The following BET1 variants were observed in gnomAD, a reference collection of about 807,000 sequenced individuals.
The protein encoded by BET1 is Bet1 golgi vesicular membrane trafficking protein.
In BET1, 9 loss-of-function variants were observed where a neutral mutation model predicts 13.9. The ratio of observed to expected loss-of-function variants is 0.65; its 90% confidence interval spans 0.39 to 1.13. The LOEUF is 1.13. BET1 is among the 50% of genes most tolerant of loss of function. The pLI, the probability that BET1 is intolerant of heterozygous loss-of-function variation, is 0.01. For missense variants in BET1, 127 were observed against 133.6 expected, an observed-to-expected ratio of 0.95 and a Z score of 0.24; for synonymous variants, 39 against 47.3, an observed-to-expected ratio of 0.82 and a Z score of 0.72.
chr7:93,986,501 A>T (rs538869274), intron 4 of BET1, among the ~76,000 whole-genome samples: 2 of 152,334 alleles, frequency 1.3e-5, no homozygotes, highest in South Asian at 4.1e-4. Flanking sequence ...CTACCCACAG[A>T]TACTAAGCTA....
At chr7:93,982,507 G>A (rs1446303405) in intron 4 of BET1, among the ~76,000 whole-genome samples, 5 of 152,202 alleles carry the variant, frequency 3.3e-5, no homozygotes, top group Admixed American at 3.3e-4. Flanking sequence ...GTTGGGCTTG[G>A]ATAATAAAGA....
chr7:93,976,458 C>A (rs776846022), intron 4 of BET1, among the ~76,000 whole-genome samples: 1 of 151,806 alleles, frequency 6.6e-6, no homozygotes, highest in Non-Finnish European at 1.5e-5. Context: ...GCACAATGAC[C>A]TTTTAACATA....
At chr7:93,968,070 T>C (rs1279323259) in intron 6 of BET1, among the ~76,000 whole-genome samples, 3 of 151,818 alleles carry the variant, frequency 2.0e-5, no homozygotes, top group Non-Finnish European at 4.4e-5. Context: ...AATTTGGTTA[T>C]GAGCTCACTT....
At chr7:93,972,912 A>G (rs1416501162) in intron 5 of BET1, among the ~76,000 whole-genome samples, 4 of 151,504 alleles carry the variant, frequency 2.6e-5, no homozygotes. Context: ...TTCAGTGGGA[A>G]GATTCTATTA....
chr7:93,964,526 C>T (rs903392145), exon 7 of BET1: 1 of 151,898 alleles, frequency 6.6e-6, no homozygotes, highest in Non-Finnish European at 1.5e-5. Context: ...TGAAGGGCAC[C>T]CCAGTTGATT....
At chr7:93,996,662 C>T (rs186309645) in intron 2 of BET1, among the ~76,000 whole-genome samples, 27 of 150,500 alleles carry the variant, frequency 1.8e-4, no homozygotes, top group African/African-American at 6.1e-4. Context: ...CTACAAATTC[C>T]TACAAATATC....
chr7:94,001,199 G>A (rs1399555478), intron 1 of BET1, among the ~76,000 whole-genome samples: 4 of 152,184 alleles, frequency 2.6e-5, no homozygotes, highest in Non-Finnish European at 5.9e-5. Context: ...TACTATAAGG[G>A]AAGAGAATAA....
At chr7:94,003,989 C>T (rs1387989336) in intron 1 of BET1, among the ~76,000 whole-genome samples, 1 of 152,086 alleles carries the variant, frequency 6.6e-6, no homozygotes, top group African/African-American at 2.4e-5. Context: ...AGCCTACCAT[C>T]CAAACTTGAA....
chr7:93,975,925 A>G, exon 5 of BET1: 1 of 1,154,652 alleles, frequency 8.7e-7, no homozygotes, highest in Non-Finnish European at 1.1e-6. Context: ...AAGATTTGGA[A>G]GGCTTCAGAG....
intron 6 of BET1, among the ~76,000 whole-genome samples, chr7:93,970,594 TC>T (rs1374492435): frequency 9.9e-5 from 15 of 151,962 alleles, no homozygotes; most frequent in African/African-American, 3.1e-4. Context: ...TAGAGTCAAC[TC>T]TTTGAGACAA....
At chr7:94,002,471 A>G (rs948499730) in intron 1 of BET1, among the ~76,000 whole-genome samples, 3 of 145,198 alleles carry the variant, frequency 2.1e-5, no homozygotes, top group Admixed American at 6.6e-5. Context: ...AAAAAAAAAA[A>G]AAAGAAAGAA....
intron 1 of BET1, among the ~76,000 whole-genome samples, chr7:94,001,550 C>A (rs1795903156): frequency 6.6e-6 from 1 of 152,182 alleles, no homozygotes; most frequent in African/African-American, 2.4e-5. Context: ...TTGCTGCTGA[C>A]ACACTATCCA....
At chr7:93,983,694 G>A (rs926927351) in intron 4 of BET1, among the ~76,000 whole-genome samples, 4 of 151,910 alleles carry the variant, frequency 2.6e-5, no homozygotes, top group South Asian at 4.2e-4. Context: ...CCTCATTCAG[G>A]TTGCTGCTTC....
At chr7:93,976,663 G>T (rs1584128074) in intron 4 of BET1, among the ~76,000 whole-genome samples, 1 of 151,988 alleles carries the variant, frequency 6.6e-6, no homozygotes, top group South Asian at 2.1e-4. Flanking sequence ...TAATAAAAGA[G>T]TACTTATTAT....
intron 4 of BET1, among the ~76,000 whole-genome samples, chr7:93,981,734 A>C (rs1795433855): frequency 6.6e-6 from 1 of 152,068 alleles, no homozygotes; most frequent in Non-Finnish European, 1.5e-5. Flanking sequence ...AATCCATTGT[A>C]CTTCCAGGTA....
intron 2 of BET1, among the ~76,000 whole-genome samples, chr7:93,996,992 AAT>A (rs1795783857): frequency 6.6e-6 from 1 of 151,964 alleles, no homozygotes; most frequent in South Asian, 2.1e-4. Context: ...TTTGCTTTAA[AAT>A]ATGATAATAA....
intron 2 of BET1, 33 bp from the exon 3 acceptor site, chr7:93,996,354 A>C: frequency 7.1e-7 from 1 of 1,414,298 alleles, no homozygotes; most frequent in East Asian, 2.5e-5. Flanking sequence ...AGGATTACTC[A>C]CATAAAAGTA....
At chr7:93,988,500 T>C (rs570854999), downstream of BET1, among the ~76,000 whole-genome samples, 1 of 152,316 alleles carries the variant, frequency 6.6e-6, no homozygotes, top group South Asian at 2.1e-4. Flanking sequence ...TGAGTAAATA[T>C]GCATGCTTAT....
rs538109897 is a variant in BET1, at chr7:93,980,251, G to A, written c.236-4151C>T. ...CAAACTCCCTCAGAAAACTGAATAG[G>A]AGGAAGGCTTCCAAATCCATTTTGC... On this transcript the variant is annotated intron_variant and NMD_transcript_variant, in intron 4 of 6. Coordinates refer to the BET1 transcript ENST00000357520. Among the ~76,000 whole-genome samples the A allele has an allele frequency of 2.0e-4, 31 of 152,144 alleles. No homozygotes were observed. The East Asian group carries it at 6.0e-3, about 29-fold the overall frequency.
Sources: gnomAD v4.1 joint callset for allele counts (sites outside exome capture counted in the v4.1 genomes callset) on GRCh38, gnomAD v4.1.1 for gene constraint, MANE v1.5 for transcripts, NCBI Gene and HGNC (gene_info 2026-07-23, HGNC 2026-07-21) for gene names.